The following OCEL1 variants were observed in gnomAD, a reference collection of about 807,000 sequenced individuals.
The protein encoded by OCEL1 is occludin/ELL domain-containing protein 1.
OCEL1 carries 24 observed loss-of-function variants against 29.4 expected under a neutral mutation model. That is an observed-to-expected ratio of 0.82 (90% CI 0.59 to 1.15). The LOEUF is 1.15. OCEL1 is among the 50% of genes most tolerant of loss of function. The pLI is 0.00. For missense variants in OCEL1, 402 were observed against 352.5 expected (o/e 1.14, Z -1.13); for synonymous variants, 172 against 145.3 (o/e 1.18, Z -1.32).
Position 17,229,016 on chromosome 19 carries a change from T to G in OCEL1, c.*91T>G. 1 of 1,462,744 alleles carries G rather than the reference T, an allele frequency of 6.8e-7. No homozygotes were observed. Among genetic ancestry groups the G allele is most frequent in the Non-Finnish European group, 9.2e-7 (1 of 1,085,698 alleles). 90.6% of individuals were successfully genotyped at this position (1,462,744 alleles called of 1,614,324 possible). A position where few individuals can be genotyped will look rare whatever the true frequency, so the allele number is the denominator to read the frequency against. Reference sequence around the variant, plus strand: ...CAGCTTTTCCTCTTGCAGCTCCCCCTACCAGGGGTCGCTTTCTCCTGGATT... The same window carrying G: ...CAGCTTTTCCTCTTGCAGCTCCCCCGACCAGGGGTCGCTTTCTCCTGGATT... On this transcript the variant is annotated 3_prime_UTR_variant, in exon 6 of 6. Coordinates refer to ENST00000215061, the MANE Select transcript of OCEL1 (RefSeq NM_024578.3).
chr19:17,226,231 G>T lies in OCEL1; in HGVS notation c.-17G>T, dbSNP rs759198720. On this transcript the variant is annotated 5_prime_UTR_variant, in exon 1 of 6. Transcript: ENST00000215061. ...CCCTGCTGAGCGACCCCGCCAGTCG[G>T]GTCCATCCTGCAGTAAATGCACAAC... 12 of 1,600,418 alleles carry T rather than the reference G, an allele frequency of 7.5e-6. No individual in the cohort carries two copies. The highest frequency in any genetic ancestry group is 6.9e-5 in the Admixed American group (4 of 57,824).
At position 17,226,819 on chromosome 19, in the gene OCEL1, C is replaced by T. The variant is rs747387373; in HGVS notation, c.196C>T (p.Arg66Cys). 1.2e-5 allele frequency: 19 copies of T among 1,586,112 alleles called. No individual in the cohort carries two copies. Among genetic ancestry groups the T allele is most frequent in the African/African-American group, 2.7e-5 (2 of 73,138 alleles). Reference sequence around the variant, plus strand: ...GCCCACCCGGGAGCCCCCAAAGACTCGCGGCTCCCGGGGGCACCTGCATAC... The same window carrying T: ...GCCCACCCGGGAGCCCCCAAAGACTTGCGGCTCCCGGGGGCACCTGCATAC... ...PMPTREPPKT[R>C]GSRGHLHTHP... Residue 66 changes from arginine (R) to cysteine (C), a missense_variant, in exon 2 of 6, where the codon CGC (arginine) becomes TGC (cysteine). Arg to Cys is a radical substitution (Grantham distance 180, BLOSUM62 -3). Transcript: ENST00000215061.
In OCEL1 at chr19:17,227,000, G is replaced by C. The variant is rs765147948; in HGVS notation, c.253G>C (p.Gly85Arg). ...HPPGPGPPLQ[G>R]LAPRGLKTSA... ...ACCACGATTCCTGTGGCAGCTGCAG[G>C]GACTGGCGCCCCGAGGCCTCAAAAC... Residue 85 changes from glycine to arginine, a missense_variant, in exon 3 of 6, where the codon GGA becomes CGA. Coordinates refer to ENST00000215061, the MANE Select transcript of OCEL1 (RefSeq NM_024578.3). 1 of 1,580,622 alleles carries C rather than the reference G, an allele frequency of 6.3e-7. No individual in the cohort carries two copies. The highest frequency in any genetic ancestry group is 8.6e-7 in the Non-Finnish European group (1 of 1,169,148).
At chr19:17,228,344 CCT>C (rs542866041) in intron 5 of OCEL1, 35 bp downstream of exon 5, 23 of 1,605,800 alleles carry the variant, frequency 1.4e-5, no homozygotes, top group Non-Finnish European at 1.9e-5. Flanking sequence ...GTCTTGCACC[CCT>C]GAGACTTCTG....
rs746904278 is a variant in OCEL1, at chr19:17,226,269, G to T, written c.22G>T (p.Ala8Ser). 2.5e-6 allele frequency: 4 copies of T among 1,612,234 alleles called. No homozygotes were observed. In the East Asian group the frequency reaches 6.7e-5, roughly 27 times the overall value. The change falls in exon 1 of 6, where the codon GCC (alanine) becomes TCC (serine). Residue 8 changes from alanine to serine, a missense_variant. Ala to Ser is a moderately conservative substitution (Grantham distance 99, BLOSUM62 1). Transcript: ENST00000215061. MHNPDGS[A>S]SPTADPGSEL... The stretch of plus-strand genomic sequence containing the variant: ...GTAAATGCACAACCCGGACGGAAGT[G>T]CCTCTCCGACAGCAGATCCAGGCTC...
In OCEL1 at chr19:17,228,255, G is replaced by A; in HGVS notation, c.619-1G>A. The A allele has an allele frequency of 6.2e-7, 1 of 1,614,082 alleles. No individual in the cohort carries two copies. The highest frequency in any genetic ancestry group is 1.3e-5 in the African/African-American group (1 of 75,012). On this transcript the variant is annotated splice_acceptor_variant, in intron 4 of 5. Coordinates refer to ENST00000215061, the MANE Select transcript of OCEL1 (RefSeq NM_024578.3). LOFTEE classifies it high-confidence loss of function. ...CCCCCTTTCTACTCCTCCCCTTGCA[G>A]AAGGAGGCCCAAGTTGCAGCCCGGG...
At chr19:17,228,053 C>G (rs760721857) in intron 4 of OCEL1, 48 bp downstream of exon 4, 27 of 1,594,784 alleles carry the variant, frequency 1.7e-5, no homozygotes, top group African/African-American at 1.2e-4. Flanking sequence ...CTGAGTGGCC[C>G]GACCCAAGCC....
At chr19:17,228,674 C>T (rs2073385635) in intron 5 of OCEL1, 129 bp from the exon 6 acceptor site, 1 of 1,327,662 alleles carries the variant, frequency 7.5e-7, no homozygotes, top group African/African-American at 1.5e-5. Context: ...TTGCCCGGCT[C>T]ACCCGGTCGC....
At chr19:17,226,619 T>C (rs2073362169) in intron 1 of OCEL1, 74 bp from the exon 2 acceptor site, 16 of 1,392,150 alleles carry the variant, frequency 1.1e-5, no homozygotes, top group Non-Finnish European at 1.5e-5. Flanking sequence ...TTGGCCGCTC[T>C]TCGGCCGAGC....
At position 17,228,679 on chromosome 19, in the gene OCEL1, G is replaced by A. The variant is rs182910911; in HGVS notation, c.673-124G>A. 3,091 of 1,373,656 alleles carry A rather than the reference G, an allele frequency of 2.3e-3. 6 individuals are homozygous for A. The highest frequency in any genetic ancestry group is 2.6e-3 in the Non-Finnish European group (2,657 of 1,029,958). 85.1% of individuals were successfully genotyped at this position (1,373,656 alleles called of 1,614,324 possible). A position where few individuals can be genotyped will look rare whatever the true frequency, so the allele number is the denominator to read the frequency against. On this transcript the variant is annotated intron_variant, in intron 5 of 5. Transcript: ENST00000215061. ...ATGAGCCACCTTGCCCGGCTCACCC[G>A]GTCGCCTGTGCCCAGTTTCAAGGAG...
chr19:17,226,698 CCGCAGACCACCCCCGCCGCG>C lies in OCEL1; in HGVS notation c.79_98del (p.Arg27GlyfsTer84). The C allele has an allele frequency of 6.7e-7, 1 of 1,490,570 alleles. No homozygotes were observed. The allele number at this position is 1,490,570 out of a possible 1,614,324, so 92.3% of individuals were successfully genotyped here. A position where few individuals can be genotyped will look rare whatever the true frequency, so the allele number is the denominator to read the frequency against. On this transcript the variant is annotated frameshift_variant, in exon 2 of 6. Transcript: ENST00000215061. LOFTEE classifies it high-confidence loss of function. The stretch of plus-strand genomic sequence containing the variant: ...CTCCGCGTGTCCACCCACAGGCCGC[CCGCAGACCACCCCCGCCGCG>C]CGCGGGACACGACGCCCCCCGCAGG...
chr19:17,228,100 T>C lies in OCEL1; in HGVS notation c.618+95T>C. 8 of 1,554,726 alleles carry C rather than the reference T, an allele frequency of 5.1e-6. No individual in the cohort carries two copies. In the South Asian group the frequency reaches 8.1e-5, roughly 16 times the overall value. ...CACTGGGTCCAGATTTCCAGGACTC[T>C]TTCTCCTCTCGGTTGGCTGGGCGCC... On this transcript the variant is annotated intron_variant, in intron 4 of 5. Transcript: ENST00000215061.
rs559086480 is a variant in OCEL1, at chr19:17,228,988, T to G, written c.*63T>G. The G allele has an allele frequency of 1.3e-6, 2 of 1,560,694 alleles. No homozygotes were observed. Among genetic ancestry groups the G allele is most frequent in the East Asian group, 2.3e-5 (1 of 43,740 alleles). Reference sequence around the variant, plus strand: ...CAGGTCCCTTGCATTTCTTGGTATCTCTCAGCTTTTCCTCTTGCAGCTCCC... The same window carrying G: ...CAGGTCCCTTGCATTTCTTGGTATCGCTCAGCTTTTCCTCTTGCAGCTCCC... On this transcript the variant is annotated 3_prime_UTR_variant, in exon 6 of 6. Transcript: ENST00000215061.
In OCEL1 at chr19:17,229,027, G is replaced by A. The variant is rs530565142; in HGVS notation, c.*102G>A. ...CTTGCAGCTCCCCCTACCAGGGGTC[G>A]CTTTCTCCTGGATTGCAAATGCCTC... is the stretch of plus-strand genomic sequence containing the variant. On this transcript the variant is annotated 3_prime_UTR_variant, in exon 6 of 6. Coordinates refer to ENST00000215061, the MANE Select transcript of OCEL1 (RefSeq NM_024578.3). The A allele has an allele frequency of 1.4e-4, 188 of 1,382,966 alleles. 1 individual carries two copies. The African/African-American group carries it at 2.3e-3, about 17-fold the overall frequency. The allele number at this position is 1,382,966 out of a possible 1,614,324, so 85.7% of individuals were successfully genotyped here.
At chr19:17,226,411 C>A (rs2073359627) in intron 1 of OCEL1, 95 bp downstream of exon 1, 2 of 1,449,728 alleles carry the variant, frequency 1.4e-6, no homozygotes, top group Non-Finnish European at 1.9e-6. Flanking sequence ...CTCTGCGCGC[C>A]CTGGAGGTCG....
chr19:17,226,605 A>G, intron 1 of OCEL1, 88 bp from the exon 2 acceptor site: 1 of 1,329,182 alleles, frequency 7.5e-7, no homozygotes. Context: ...CCGCGGGGTG[A>G]GAGTTGGCCG....
At chr19:17,228,470 C>T in intron 5 of OCEL1, 161 bp downstream of exon 5, 1 of 728,896 alleles carries the variant, frequency 1.4e-6, no homozygotes, top group Non-Finnish European at 2.2e-6. Flanking sequence ...ACTGCAACCT[C>T]AGCGTCCCGG....
At chr19:17,227,720 G>A in intron 3 of OCEL1, 120 bp from the exon 4 acceptor site, 1 of 854,694 alleles carries the variant, frequency 1.2e-6, no homozygotes. Flanking sequence ...ATTAAAAGAG[G>A]GAGAGAAAAG....
rs1461202873 is a variant in OCEL1, at chr19:17,227,025, C to T, written c.278C>T (p.Thr93Ile). 3 of 1,597,038 alleles carry T rather than the reference C, an allele frequency of 1.9e-6. No individual in the cohort carries two copies. The South Asian group carries it at 3.4e-5, about 18-fold the overall frequency. ...GGACTGGCGCCCCGAGGCCTCAAAACCAGCGCCCCCCGCCCTCCGTGCCAG... is the reference window on the plus strand; with the variant it reads ...GGACTGGCGCCCCGAGGCCTCAAAATCAGCGCCCCCCGCCCTCCGTGCCAG... Reference protein sequence around the residue: ...LQGLAPRGLKTSAPRPPCQPQ... With the variant: ...LQGLAPRGLKISAPRPPCQPQ... The change falls in exon 3 of 6, where the codon ACC (threonine) becomes ATC (isoleucine). Residue 93 changes from threonine (T) to isoleucine (I), a missense_variant. By Grantham distance (89) the Thr-to-Ile change is moderately conservative. Transcript: ENST00000215061.
Sources: allele counts gnomAD v4.1 joint callset, GRCh38; gene constraint gnomAD v4.1.1; transcripts MANE v1.5; gene names NCBI Gene and HGNC (gene_info 2026-07-23, HGNC 2026-07-21).